SCHIP1: variants seen among roughly 807,000 people sequenced by gnomAD.
SCHIP1 encodes the protein schwannomin interacting protein 1.
A neutral mutation model predicts 29.7 loss-of-function variants in SCHIP1; 8 were observed. That is an observed-to-expected ratio of 0.27 (90% CI 0.16 to 0.49). The LOEUF (loss-of-function observed/expected upper bound fraction) is 0.49. Among genes scored for constraint, SCHIP1 ranks in the 20% least tolerant of loss-of-function variants. The pLI, the probability that SCHIP1 is intolerant of heterozygous loss-of-function variation, is 0.99. For synonymous variants in SCHIP1, 76 were observed against 94.9 expected (o/e 0.80, Z 1.16); for missense variants, 193 against 294.6 (o/e 0.66, Z 2.52).
chr3:159,739,526 T>G, the SCHIP1 span, among the ~76,000 whole-genome samples: 49,059 of 152,108 alleles, frequency 0.32, 8,471 homozygotes, highest in African/African-American at 0.46. Context: ...AAACCTCTAT[T>G]CTATCTTTTT....
chr3:159,417,510 A>G, the SCHIP1 span, among the ~76,000 whole-genome samples: 1 of 152,230 alleles, frequency 6.6e-6, no homozygotes, highest in African/African-American at 2.4e-5. Context: ...TCAAGAGATA[A>G]CCACTATTAT....
the SCHIP1 span, among the ~76,000 whole-genome samples, chr3:159,677,432 G>A: frequency 7.2e-5 from 11 of 152,068 alleles, no homozygotes; most frequent in Non-Finnish European, 1.6e-4. Context: ...AGAGAAGGGA[G>A]TTGGACTGCA....
the SCHIP1 span, among the ~76,000 whole-genome samples, chr3:159,665,560 G>T: frequency 2.0e-5 from 3 of 152,030 alleles, no homozygotes; most frequent in African/African-American, 4.8e-5. Context: ...GTGTGTGTGT[G>T]TGTGTGTGTG....
At chr3:159,663,573 A>G in the SCHIP1 span, among the ~76,000 whole-genome samples, 7 of 152,336 alleles carry the variant, frequency 4.6e-5, no homozygotes, top group South Asian at 1.2e-3. Flanking sequence ...GGGGATATTA[A>G]CAGTACCTAA....
Position 159,860,009 on chromosome 3 carries a change from GTC to G in SCHIP1, c.31-6152_31-6151del, listed in dbSNP as rs1447235581. Among the ~76,000 whole-genome samples, 719 of 151,446 alleles carry G rather than the reference GTC, an allele frequency of 4.7e-3. 8 individuals are homozygous for G. Among genetic ancestry groups the G allele is most frequent in the African/African-American group, 0.017 (691 of 41,280 alleles). On this transcript the variant is annotated intron_variant, in intron 1 of 6. Transcript: ENST00000445224. ...TGTGTGTGTGTGCGTGTGTGTGTGT[GTC>G]TGTCTGTCTGTCTGTCTGCGTGTGT...
upstream of SCHIP1, among the ~76,000 whole-genome samples, chr3:159,836,048 T>C (rs1038015457): frequency 1.3e-5 from 2 of 152,246 alleles, no homozygotes; most frequent in African/African-American, 4.8e-5. Flanking sequence ...ACTCTTACTT[T>C]ATGATAGATT....
the SCHIP1 span, among the ~76,000 whole-genome samples, chr3:159,694,600 GA>G: frequency 1.2e-4 from 15 of 128,254 alleles, no homozygotes; most frequent in African/African-American, 4.1e-4. Context: ...AAGAAAGAAA[GA>G]AAGAAAGGAA....
At chr3:159,610,054 T>C in the SCHIP1 span, among the ~76,000 whole-genome samples, 10 of 152,188 alleles carry the variant, frequency 6.6e-5, no homozygotes, top group Admixed American at 1.3e-4. Context: ...TCATAACTTG[T>C]AAAGATGATA....
the SCHIP1 span, among the ~76,000 whole-genome samples, chr3:159,426,968 T>G: frequency 6.6e-6 from 1 of 152,218 alleles, no homozygotes; most frequent in Non-Finnish European, 1.5e-5. Context: ...GAAAAGGCCT[T>G]TGACAAAATT....
the SCHIP1 span, among the ~76,000 whole-genome samples, chr3:159,388,561 C>G: frequency 6.6e-6 from 1 of 151,916 alleles, no homozygotes; most frequent in South Asian, 2.1e-4. Flanking sequence ...TGGAAGTGGA[C>G]AAGTGATTTT....
At chr3:159,646,449 G>A in the SCHIP1 span, among the ~76,000 whole-genome samples, 49 of 152,168 alleles carry the variant, frequency 3.2e-4, no homozygotes, top group African/African-American at 1.1e-3. Context: ...GCTGTACTGC[G>A]GTCTGAGGCT....
the SCHIP1 span, among the ~76,000 whole-genome samples, chr3:159,276,316 G>T: frequency 6.6e-6 from 1 of 152,104 alleles, no homozygotes; most frequent in African/African-American, 2.4e-5. Context: ...CTTCTTAGAG[G>T]GACATAGGGA....
At chr3:159,603,741 A>C in the SCHIP1 span, among the ~76,000 whole-genome samples, 1 of 152,160 alleles carries the variant, frequency 6.6e-6, no homozygotes. Flanking sequence ...CTGTAACTGA[A>C]TACCTAGGAT....
At chr3:159,575,296 C>T in the SCHIP1 span, among the ~76,000 whole-genome samples, 2 of 152,158 alleles carry the variant, frequency 1.3e-5, no homozygotes, top group Non-Finnish European at 2.9e-5. Flanking sequence ...TATTAGAGTA[C>T]TATCATAATA....
At chr3:159,764,437 C>T in the SCHIP1 span, 12 of 1,582,904 alleles carry the variant, frequency 7.6e-6, no homozygotes, top group Non-Finnish European at 1.0e-5. The surrounding 1 kb of genome is among the most constrained non-coding windows in gnomAD (Gnocchi z 6.1). Context: ...TACCTCCTCC[C>T]CCTAGGATTA....
At chr3:159,366,531 T>C in the SCHIP1 span, among the ~76,000 whole-genome samples, 1 of 143,464 alleles carries the variant, frequency 7.0e-6, no homozygotes, top group South Asian at 2.2e-4. Flanking sequence ...CCCTGATCTG[T>C]AAAAATTAGT....
At chr3:159,480,901 G>A in the SCHIP1 span, among the ~76,000 whole-genome samples, 12 of 152,242 alleles carry the variant, frequency 7.9e-5, no homozygotes, top group Non-Finnish European at 1.0e-4. Flanking sequence ...GAGGGTCAGC[G>A]AAGGGAGATA....
the SCHIP1 span, among the ~76,000 whole-genome samples, chr3:159,476,784 C>T: frequency 6.6e-6 from 1 of 151,808 alleles, no homozygotes; most frequent in South Asian, 2.1e-4. Flanking sequence ...ACATATATAC[C>T]CTCATGTATC....
the SCHIP1 span, chr3:159,765,849 AGC>A: frequency 6.6e-6 from 1 of 152,162 alleles, no homozygotes; most frequent in African/African-American, 2.4e-5. Context: ...TTGATAACGG[AGC>A]CACTTACAGT....
Sources: allele counts gnomAD v4.1 joint callset (sites outside exome capture counted in the v4.1 genomes callset), GRCh38; gene constraint gnomAD v4.1.1; non-coding constraint Gnocchi (gnomAD v3.1); transcripts MANE v1.5; gene names NCBI Gene and HGNC (gene_info 2026-07-23, HGNC 2026-07-21).